The following TRHDE variants were observed in gnomAD, a reference collection of about 807,000 sequenced individuals.
TRHDE encodes thyrotropin releasing hormone degrading enzyme.
In TRHDE, 72 loss-of-function variants were observed where a neutral mutation model predicts 125.7. The observed-to-expected ratio is 0.57, with a 90% CI of 0.47 to 0.70. TRHDE has a LOEUF of 0.70. Ranked by LOEUF, TRHDE falls within the 30% of genes least tolerant of loss-of-function variation. The pLI is 0.00. For missense variants in TRHDE, 1,110 were observed against 1,327.1 expected (o/e 0.84, Z 2.54); for synonymous variants, 509 against 509.1 (o/e 1.00, Z 0.00).
In TRHDE at chr12:72,350,262, T is replaced by G. The variant is rs1028741832; in HGVS notation, c.1189-27733T>G. Among the ~76,000 whole-genome samples the G allele has an allele frequency of 1.3e-4, 20 of 151,950 alleles. 1 individual carries two copies. Among genetic ancestry groups the G allele is most frequent in the Admixed American group, 1.2e-3 (19 of 15,208 alleles). On this transcript the variant is annotated intron_variant, in intron 2 of 18. Transcript: ENST00000261180. ...AGACAGAGACGATTGGCACAACCTT[T>G]CCTTCTTAAACATCCCTCCCCATTT...
chr12:72,359,845 G>A (rs1209834167), intron 2 of TRHDE, among the ~76,000 whole-genome samples: 4 of 151,616 alleles, frequency 2.6e-5, no homozygotes, highest in Non-Finnish European at 5.9e-5. Context: ...AAAGGGTATT[G>A]GTCTTACAAG....
At chr12:72,617,647 G>C (rs1258226512) in intron 12 of TRHDE, among the ~76,000 whole-genome samples, 4 of 151,980 alleles carry the variant, frequency 2.6e-5, no homozygotes, top group Non-Finnish European at 5.9e-5. Context: ...AGTCTGTTTG[G>C]GCTGTTATAA....
In TRHDE at chr12:72,306,412, A is replaced by C. The variant is rs544437040; in HGVS notation, c.1188+19458A>C. 7.9e-4 allele frequency among the ~76,000 whole-genome samples: 120 copies of C among 152,268 alleles called. 1 individual carries two copies. The South Asian group carries it at 0.024, about 31-fold the overall frequency. ...ACATTATTAAATGAGAGTGGGGAGG[A>C]CTTATTTTATGATACATAAAATTCT... is the stretch of plus-strand genomic sequence containing the variant. On this transcript the variant is annotated intron_variant, in intron 2 of 18. Transcript: ENST00000261180.
intron 10 of TRHDE, among the ~76,000 whole-genome samples, chr12:72,571,089 A>G (rs746756657): frequency 1.3e-4 from 18 of 134,612 alleles, no homozygotes; most frequent in Non-Finnish European, 2.2e-4. Flanking sequence ...TAATTGTATT[A>G]AATTTTTTTT....
intron 3 of TRHDE, among the ~76,000 whole-genome samples, chr12:72,388,498 T>C (rs944211671): frequency 6.6e-6 from 1 of 152,220 alleles, no homozygotes; most frequent in Non-Finnish European, 1.5e-5. Context: ...AATAAATTCT[T>C]GTTAAATGAA....
rs529304049 is a variant in TRHDE, at chr12:72,221,820, A to G, written n.279+116068A>G. The stretch of plus-strand genomic sequence containing the variant: ...GTGGCTTAAAACAAGACCTGTTTTT[A>G]TTATCTCTCACAGATTCTGTGGGTC... On this transcript the variant is annotated intron_variant and non_coding_transcript_variant, in intron 2 of 4. Transcript: ENST00000548156. Among the ~76,000 whole-genome samples, 11 of 152,262 alleles carry G rather than the reference A, an allele frequency of 7.2e-5. No homozygotes were observed. In the South Asian group the frequency reaches 1.2e-3, roughly 17 times the overall value.
At chr12:72,090,640 G>A (rs1042044970) in intron 1 of TRHDE, among the ~76,000 whole-genome samples, 2 of 152,056 alleles carry the variant, frequency 1.3e-5, no homozygotes, top group Non-Finnish European at 2.9e-5. Flanking sequence ...TTAGGACTGG[G>A]AGTTTTATGG....
rs146903458 is a variant in TRHDE at position 72,528,027 on chromosome 12, T to G, written c.1723-14264T>G. Among the ~76,000 whole-genome samples the G allele has an allele frequency of 4.0e-4, 61 of 152,264 alleles. 1 individual carries two copies. Among genetic ancestry groups the G allele is most frequent in the African/African-American group, 1.4e-3 (59 of 41,564 alleles). Reference sequence around the variant, plus strand: ...ACTTTATAAAACTAATATATATCGTTTTTTGCATGATAAACCACATTTACT... The same window carrying G: ...ACTTTATAAAACTAATATATATCGTGTTTTGCATGATAAACCACATTTACT... On this transcript the variant is annotated intron_variant, in intron 6 of 18. Coordinates refer to ENST00000261180, the MANE Select transcript of TRHDE (RefSeq NM_013381.3).
At chr12:72,510,288 A>G (rs1878531093) in intron 6 of TRHDE, among the ~76,000 whole-genome samples, 1 of 152,210 alleles carries the variant, frequency 6.6e-6, no homozygotes, top group Non-Finnish European at 1.5e-5. Flanking sequence ...TAGATATTCT[A>G]CAGTATCTGG....
chr12:72,095,111 T>C (rs970592373), intron 1 of TRHDE, among the ~76,000 whole-genome samples: 1 of 152,208 alleles, frequency 6.6e-6, no homozygotes, highest in African/African-American at 2.4e-5. Flanking sequence ...CAGTTCTGTC[T>C]TTTAGATATA....
intron 3 of TRHDE, among the ~76,000 whole-genome samples, chr12:72,430,399 A>G (rs1242856317): frequency 7.1e-6 from 1 of 141,166 alleles, no homozygotes; most frequent in Non-Finnish European, 1.5e-5. Context: ...ATATACACAC[A>G]CGTATATATA....
chr12:72,111,254 A>AT (rs1875308301), intron 2 of TRHDE, among the ~76,000 whole-genome samples: 1 of 152,130 alleles, frequency 6.6e-6, no homozygotes, highest in African/African-American at 2.4e-5. Context: ...TGATTTCCTT[A>AT]TCCTGATGAT....
In TRHDE at chr12:72,231,523, C is replaced by T. The variant is rs532021875; in HGVS notation, n.279+125771C>T. Among the ~76,000 whole-genome samples the T allele has an allele frequency of 2.0e-5, 3 of 152,284 alleles. No homozygotes were observed. The East Asian group carries it at 5.8e-4, about 29-fold the overall frequency. ...GCCCATGAGGCCATTACCGCCTTAG[C>T]TGCTTTTGTGTTATCAAACCAAACA... On this transcript the variant is annotated intron_variant and non_coding_transcript_variant, in intron 2 of 4. Coordinates refer to the TRHDE transcript ENST00000548156.
chr12:72,486,394 TG>T (rs1370172601), intron 5 of TRHDE, among the ~76,000 whole-genome samples: 1 of 152,162 alleles, frequency 6.6e-6, no homozygotes. Context: ...ATGTCAGACA[TG>T]ACACCAAGAG....
At position 72,464,633 on chromosome 12, in the gene TRHDE, GCAAAA is replaced by G. The variant is rs1474282814; in HGVS notation, c.1316-5116_1316-5112del. On this transcript the variant is annotated intron_variant, in intron 3 of 18. Coordinates refer to ENST00000261180, the MANE Select transcript of TRHDE (RefSeq NM_013381.3). Reference sequence around the variant, plus strand: ...AAGTGGCAAGAAAATGAAAAACAAAGCAAAACAAAACAAGAAGAAGGGCTAATCTG... The same window carrying G: ...AAGTGGCAAGAAAATGAAAAACAAAGCAAAACAAGAAGAAGGGCTAATCTG... 1.2e-4 allele frequency among the ~76,000 whole-genome samples: 19 copies of G among 152,178 alleles called. No individual in the cohort carries two copies. The South Asian group carries it at 3.5e-3, about 28-fold the overall frequency.
chr12:72,455,973 T>G (rs983852684), intron 3 of TRHDE, among the ~76,000 whole-genome samples: 4 of 151,886 alleles, frequency 2.6e-5, no homozygotes, highest in Admixed American at 2.0e-4. Flanking sequence ...ATCTTAATCC[T>G]ACATATATAT....
At chr12:72,104,534 C>T (rs989228569) in intron 1 of TRHDE, among the ~76,000 whole-genome samples, 19 of 152,298 alleles carry the variant, frequency 1.2e-4, no homozygotes, top group African/African-American at 3.4e-4. Flanking sequence ...TTTGCTGACA[C>T]TCCTTAACAA....
intron 15 of TRHDE, among the ~76,000 whole-genome samples, chr12:72,637,220 G>T (rs1191269973): frequency 7.9e-5 from 12 of 151,622 alleles, no homozygotes; most frequent in African/African-American, 2.4e-4. Context: ...CTTCTTCCTG[G>T]TTTAGTCTTG....
Position 72,469,897 on chromosome 12 carries a change from T to A in TRHDE, c.1455T>A (p.His485Gln). 6.2e-7 allele frequency: 1 copy of A among 1,607,938 alleles called. No individual in the cohort carries two copies. Among genetic ancestry groups the A allele is most frequent in the Non-Finnish European group, 8.5e-7 (1 of 1,174,462 alleles). ...TGGATGTCACCATGGTCATTGTTCA[T>A]GAGATATGTCACCAGGTATGAGAAA... ...YLLDVTMVIV[H>Q]EICHQWFGDL... The change falls in exon 4 of 19, where the codon CAT becomes CAA. Residue 485 changes from histidine (H) to glutamine (Q), a missense_variant. By Grantham distance (24) the His-to-Gln change is conservative (BLOSUM62 0). Around this residue, in one of 5 missense-constraint regions of TRHDE, gnomAD observed 252 missense variants for 274.8 expected, o/e 0.92. Transcript: ENST00000261180.
Sources: allele counts gnomAD v4.1 joint callset (sites outside exome capture counted in the v4.1 genomes callset), GRCh38; gene constraint gnomAD v4.1.1; regional missense constraint gnomAD v4.1.1; transcripts MANE v1.5; gene names NCBI Gene and HGNC (gene_info 2026-07-23, HGNC 2026-07-21).